Variants in SEPTIN9 observed in about 807,000 individuals in gnomAD.
SEPTIN9 encodes the protein septin 9.
SEPTIN9 carries 13 observed loss-of-function variants against 56.6 expected under a neutral mutation model. That is an observed-to-expected ratio of 0.23 (90% CI 0.15 to 0.37). The LOEUF (loss-of-function observed/expected upper bound fraction) is 0.37, where lower values mean the gene tolerates loss of function less well. Among genes scored for constraint, SEPTIN9 ranks in the 10% least tolerant of loss-of-function variants. The probability of loss-of-function intolerance (pLI) is 1.00; values close to 1 mark genes in which losing one functional copy is unlikely to be tolerated. For missense variants in SEPTIN9, 650 were observed against 823.1 expected, an observed-to-expected ratio of 0.79 and a Z score of 2.57; for synonymous variants, 332 against 334.1, an observed-to-expected ratio of 0.99 and a Z score of 0.07.
intron 3 of SEPTIN9, among the ~76,000 whole-genome samples, chr17:77,461,319 T>A (rs1000699595): frequency 3.3e-5 from 5 of 151,758 alleles, no homozygotes; most frequent in Admixed American, 2.0e-4. Flanking sequence ...AAAATAAAAA[T>A]AAATAAATAA....
intron 3 of SEPTIN9, among the ~76,000 whole-genome samples, chr17:77,432,378 C>T (rs1457128924): frequency 1.3e-5 from 2 of 152,230 alleles, no homozygotes; most frequent in Non-Finnish European, 2.9e-5. Context: ...TCCCTTGTCC[C>T]TGTCACCTTC....
Position 77,319,934 on chromosome 17 carries a change from T to TGCAGCCACC in SEPTIN9, c.76+12739_76+12747dup. 1 of 1,145,084 alleles carries TGCAGCCACC rather than the reference T, an allele frequency of 8.7e-7. No individual in the cohort carries two copies. The highest frequency in any genetic ancestry group is 1.6e-5 in the African/African-American group (1 of 63,354). The allele number at this position is 1,145,084 out of a possible 1,614,324, so 70.9% of individuals were successfully genotyped here. A position where few individuals can be genotyped will look rare whatever the true frequency, so the allele number is the denominator to read the frequency against. The stretch of plus-strand genomic sequence containing the variant: ...TGCCGGAAGCCGCACTCGGGACCTC[T>TGCAGCCACC]GCAGCCACCGACCAGACCGGGCGGC... On this transcript the variant is annotated intron_variant, in intron 2 of 11. Coordinates refer to ENST00000427177, the MANE Select transcript of SEPTIN9 (RefSeq NM_001113491.2). This position sits in a 1 kb window ranked among gnomAD's most constrained non-coding sequence, Gnocchi z 5.3.
intron 2 of SEPTIN9, among the ~76,000 whole-genome samples, chr17:77,315,692 C>T (rs997818819): frequency 5.3e-5 from 8 of 152,332 alleles, no homozygotes; most frequent in East Asian, 1.9e-4. Context: ...TTCCAGAGCC[C>T]GGCCAGTGCT....
intron 10 of SEPTIN9, among the ~76,000 whole-genome samples, chr17:77,496,904 C>A (rs954854387): frequency 4.6e-5 from 7 of 152,246 alleles, no homozygotes; most frequent in African/African-American, 1.7e-4. Context: ...TTCCCAGCAG[C>A]CCAGCCCCCT....
intron 2 of SEPTIN9, chr17:77,373,122 C>T (rs963869393): frequency 2.4e-5 from 22 of 905,396 alleles, no homozygotes; most frequent in African/African-American, 7.1e-5. Context: ...GCGGGCCAGG[C>T]GGGGAGGAGG....
intron 2 of SEPTIN9, among the ~76,000 whole-genome samples, chr17:77,354,181 T>G (rs574246636): frequency 4.6e-5 from 7 of 152,360 alleles, no homozygotes; most frequent in Admixed American, 2.6e-4. Flanking sequence ...GATGCTGTTC[T>G]CAGCACTTTA....
In SEPTIN9 at chr17:77,475,203, G is replaced by A; in HGVS notation, c.722-6941G>A. 6 of 1,228,354 alleles carry A rather than the reference G, an allele frequency of 4.9e-6. No homozygotes were observed. The highest frequency in any genetic ancestry group is 6.1e-6 in the Non-Finnish European group (6 of 978,764). 76.1% of individuals were successfully genotyped at this position (1,228,354 alleles called of 1,614,324 possible). A position where few individuals can be genotyped will look rare whatever the true frequency, so the allele number is the denominator to read the frequency against. The stretch of plus-strand genomic sequence containing the variant: ...TGTCTGGCTTCACAAACCCTGTGTG[G>A]GGGGGTTGTGGTGAGAGGAAACCGC... On this transcript the variant is annotated intron_variant, in intron 3 of 11. Transcript: ENST00000427177. The surrounding 1 kb of genome is among the most constrained non-coding windows in gnomAD (Gnocchi z 4.6).
intron 1 of SEPTIN9, chr17:77,281,879 T>G: frequency 5.1e-6 from 2 of 391,546 alleles, no homozygotes; most frequent in Non-Finnish European, 9.2e-6. Context: ...CCTGTGCGTC[T>G]GTGTGGGTGA....
intron 2 of SEPTIN9, among the ~76,000 whole-genome samples, chr17:77,361,166 C>T (rs911165226): frequency 5.9e-5 from 9 of 152,126 alleles, no homozygotes; most frequent in Non-Finnish European, 1.2e-4. Flanking sequence ...TAAGGTGATC[C>T]ACCCGCCTTG....
chr17:77,444,062 T>G (rs1384909504), intron 3 of SEPTIN9, among the ~76,000 whole-genome samples: 1 of 152,044 alleles, frequency 6.6e-6, no homozygotes, highest in Non-Finnish European at 1.5e-5. Flanking sequence ...TCAGGAGGGC[T>G]TCCTGGAGGT....
chr17:77,457,076 G>A (rs2038237070), intron 3 of SEPTIN9, among the ~76,000 whole-genome samples: 1 of 152,162 alleles, frequency 6.6e-6, no homozygotes, highest in Non-Finnish European at 1.5e-5. Flanking sequence ...GACACACCTG[G>A]GTCCAGCCTT....
chr17:77,319,420 A>T lies in SEPTIN9; in HGVS notation c.76+12223A>T. On this transcript the variant is annotated intron_variant, in intron 2 of 11. Coordinates refer to ENST00000427177, the MANE Select transcript of SEPTIN9 (RefSeq NM_001113491.2). This position sits in a 1 kb window ranked among gnomAD's most constrained non-coding sequence, Gnocchi z 5.3. ...AGGAAGACTCGCTCCCTCCCAGGGGACGGCTAGAGACTCACTGACTCATGC... is the reference window on the plus strand; with the variant it reads ...AGGAAGACTCGCTCCCTCCCAGGGGTCGGCTAGAGACTCACTGACTCATGC... 1 of 441,298 alleles carries T rather than the reference A, an allele frequency of 2.3e-6. No individual in the cohort carries two copies. Among genetic ancestry groups the T allele is most frequent in the African/African-American group, 2.1e-5 (1 of 47,438 alleles). The allele number at this position is 441,298 out of a possible 1,614,324, so 27.3% of individuals were successfully genotyped here. A position where few individuals can be genotyped will look rare whatever the true frequency, so the allele number is the denominator to read the frequency against.
chr17:77,303,442 C>T (rs567162063), intron 1 of SEPTIN9, among the ~76,000 whole-genome samples: 8 of 149,750 alleles, frequency 5.3e-5, no homozygotes, highest in East Asian at 4.1e-4. Flanking sequence ...AGCCAGATAA[C>T]GGTGACTAAC....
intron 2 of SEPTIN9, among the ~76,000 whole-genome samples, chr17:77,385,055 A>G (rs1191326415): frequency 1.3e-5 from 2 of 152,106 alleles, no homozygotes; most frequent in Admixed American, 1.3e-4. Flanking sequence ...TATTTTTTAA[A>G]GTTCATGGGC....
chr17:77,482,656 C>G, intron 4 of SEPTIN9: 1 of 610,182 alleles, frequency 1.6e-6, no homozygotes, highest in Admixed American at 2.7e-5. Flanking sequence ...GCAGAGGGTT[C>G]TGTGGCAGCT....
chr17:77,318,223 T>TGGGTGTCCCTTGGCTTGTGGCTGC lies in SEPTIN9; in HGVS notation c.76+11027_76+11050dup, dbSNP rs1271844075. ...TGCCCCTTTGAGCCTCTGGTGGCTGTGGGTGTCCCTTGGCTTGTGGCTGCA... is the reference window on the plus strand; with the variant it reads ...TGCCCCTTTGAGCCTCTGGTGGCTGTGGGTGTCCCTTGGCTTGTGGCTGCGGGTGTCCCTTGGCTTGTGGCTGCA... On this transcript the variant is annotated intron_variant, in intron 2 of 11. Transcript: ENST00000427177. The surrounding 1 kb of genome is among the most constrained non-coding windows in gnomAD (Gnocchi z 4.9). 6.6e-6 allele frequency among the ~76,000 whole-genome samples: 1 copy of TGGGTGTCCCTTGGCTTGTGGCTGC among 152,004 alleles called. No individual in the cohort carries two copies.
At chr17:77,350,874 A>G (rs1479753493) in intron 2 of SEPTIN9, among the ~76,000 whole-genome samples, 2 of 151,998 alleles carry the variant, frequency 1.3e-5, no homozygotes, top group East Asian at 1.9e-4. Context: ...CCAAAATTCA[A>G]TCTTGTTTCA....
intron 1 of SEPTIN9, among the ~76,000 whole-genome samples, chr17:77,298,525 C>G (rs943022482): frequency 4.6e-5 from 7 of 152,310 alleles, no homozygotes; most frequent in South Asian, 4.1e-4. Flanking sequence ...TGATGAACTG[C>G]GGCTCAGCCT....
At chr17:77,336,475 A>G (rs1244770836) in intron 2 of SEPTIN9, among the ~76,000 whole-genome samples, 2 of 152,198 alleles carry the variant, frequency 1.3e-5, no homozygotes, top group African/African-American at 2.4e-5. Flanking sequence ...CTTGCATGCC[A>G]TTTGTTAAAT....
Sources: gnomAD v4.1 joint callset for allele counts (sites outside exome capture counted in the v4.1 genomes callset) on GRCh38, gnomAD v4.1.1 for gene constraint, Gnocchi (gnomAD v3.1) non-coding constraint, MANE v1.5 for transcripts, NCBI Gene and HGNC (gene_info 2026-07-23, HGNC 2026-07-21) for gene names.